Variants in PELP1 observed in about 807,000 individuals in gnomAD.
PELP1 encodes proline, glutamate and leucine rich protein 1.
In PELP1, 32 loss-of-function variants were observed where a neutral mutation model predicts 95.5. The observed-to-expected ratio is 0.34, with a 90% CI of 0.25 to 0.45. PELP1 has a LOEUF of 0.45. PELP1 is among the 20% of genes least tolerant of loss of function. PELP1 has a pLI of 1.00. For synonymous variants in PELP1, 668 were observed against 600.1 expected (o/e 1.11, Z -1.65); for missense variants, 1,358 against 1,444.8 (o/e 0.94, Z 0.97).
chr17:4,694,847 T>G (rs1597456965), intron 1 of PELP1, among the ~76,000 whole-genome samples: 1 of 148,484 alleles, frequency 6.7e-6, no homozygotes, highest in South Asian at 2.1e-4. Context: ...GGTGGGCGCC[T>G]GTAATCCCAG....
intron 1 of PELP1, 28 bp downstream of exon 1, chr17:4,703,835 G>T (rs1245582532): frequency 1.9e-6 from 3 of 1,586,766 alleles, no homozygotes; most frequent in African/African-American, 1.3e-5. Context: ...TCCCCACAGG[G>T]CCGCGGGCAC....
At position 4,675,464 on chromosome 17, in the gene PELP1, G is replaced by A; in HGVS notation, c.1069-102C>T. 1 of 788,554 alleles carries A rather than the reference G, an allele frequency of 1.3e-6. No homozygotes were observed. Among genetic ancestry groups the A allele is most frequent in the Non-Finnish European group, 2.2e-6 (1 of 462,486 alleles). The allele number at this position is 788,554 out of a possible 1,614,324, so 48.8% of individuals were successfully genotyped here. ...CATTTACATATGTACACATAGGTAA[G>A]AAACCCAACCCCTGATCTCAGCTCT... On this transcript the variant is annotated intron_variant, in intron 9 of 16. Coordinates refer to ENST00000572293, the MANE Select transcript of PELP1 (RefSeq NM_014389.3). The surrounding 1 kb of genome is among the most constrained non-coding windows in gnomAD (Gnocchi z 4.3).
chr17:4,696,173 T>C (rs1380042792), intron 1 of PELP1, among the ~76,000 whole-genome samples: 1 of 151,864 alleles, frequency 6.6e-6, no homozygotes, highest in African/African-American at 2.4e-5. Context: ...CCACAAAGAA[T>C]TTTTAAAAAT....
chr17:4,672,129 T>TTCC lies in PELP1; in HGVS notation c.2859_2861dup (p.Glu956dup). 1 of 1,552,682 alleles carries TTCC rather than the reference T, an allele frequency of 6.4e-7. No homozygotes were observed. The highest frequency in any genetic ancestry group is 2.0e-5 in the Admixed American group (1 of 51,064). ...GGTCTTCCACCTCTTCCAGTTCTTC[T>TTCC]TCCTCCTCCTCATCCTCCTCTTCTT... On this transcript the variant is annotated inframe_insertion, in exon 16 of 17. Transcript: ENST00000572293.
At position 4,675,376 on chromosome 17, in the gene PELP1, G is replaced by A. The variant is rs1912420031; in HGVS notation, c.1069-14C>T. On this transcript the variant is annotated splice_polypyrimidine_tract_variant and intron_variant, in intron 9 of 16. Coordinates refer to ENST00000572293, the MANE Select transcript of PELP1 (RefSeq NM_014389.3). This position sits in a 1 kb window ranked among gnomAD's most constrained non-coding sequence, Gnocchi z 4.3. ...TCCATGCAAGCTCTGGAGAAAAAAG[G>A]GGCAGAGATAAAGAGTGGAGGAAGA... 3 of 1,450,398 alleles carry A rather than the reference G, an allele frequency of 2.1e-6. No homozygotes were observed. In the East Asian group the frequency reaches 7.4e-5, roughly 36 times the overall value. 89.8% of individuals were successfully genotyped at this position (1,450,398 alleles called of 1,614,324 possible). A position where few individuals can be genotyped will look rare whatever the true frequency, so the allele number is the denominator to read the frequency against.
chr17:4,692,866 T>G (rs1448104277), intron 1 of PELP1, among the ~76,000 whole-genome samples: 1 of 151,674 alleles, frequency 6.6e-6, no homozygotes, highest in South Asian at 2.1e-4. Context: ...AAAAATTAGC[T>G]AGTTATGGTG....
chr17:4,681,605 T>G (rs151301111), intron 5 of PELP1, among the ~76,000 whole-genome samples: 4,433 of 151,098 alleles, frequency 0.029, 85 homozygotes, highest in African/African-American at 0.044. Flanking sequence ...ATCGAGACCA[T>G]CCTGGCCAAC....
Position 4,676,178 on chromosome 17 carries a change from C to CT in PELP1, c.854-17dup. 6.2e-7 allele frequency: 1 copy of CT among 1,612,822 alleles called. No individual in the cohort carries two copies. The highest frequency in any genetic ancestry group is 8.5e-7 in the Non-Finnish European group (1 of 1,179,264). ...TGCACAGGAGCTGGCAGAAGCACAA[C>CT]TACCCTGTACACTGTCTTTCTTCCA... is the stretch of plus-strand genomic sequence containing the variant. On this transcript the variant is annotated splice_polypyrimidine_tract_variant and intron_variant, in intron 7 of 16. Coordinates refer to ENST00000572293, the MANE Select transcript of PELP1 (RefSeq NM_014389.3).
In PELP1 at chr17:4,670,801, T is replaced by C. The variant is rs1912165904; in HGVS notation, c.*638A>G. On this transcript the variant is annotated 3_prime_UTR_variant, in exon 17 of 17. Transcript: ENST00000572293. The stretch of plus-strand genomic sequence containing the variant: ...AGCAGGAAGGCCTGGGGTGAGCTTA[T>C]CAAACTCCTGCCAGGGAGCTGTGAG... The C allele has an allele frequency of 6.6e-6, 1 of 152,546 alleles. No individual in the cohort carries two copies. The highest frequency in any genetic ancestry group is 6.5e-5 in the Admixed American group (1 of 15,286). 9.4% of individuals were successfully genotyped at this position (152,546 alleles called of 1,614,324 possible).
intron 1 of PELP1, among the ~76,000 whole-genome samples, chr17:4,699,594 G>GT (rs1174069981): frequency 6.6e-6 from 1 of 152,056 alleles, no homozygotes; most frequent in Non-Finnish European, 1.5e-5. Flanking sequence ...AGGGTGATTT[G>GT]TTTGTTTTTT....
At chr17:4,700,515 G>A (rs1391642811) in intron 1 of PELP1, among the ~76,000 whole-genome samples, 1 of 151,964 alleles carries the variant, frequency 6.6e-6, no homozygotes. Context: ...ATGGTGGCAG[G>A]TGCCTGTAAT....
At chr17:4,696,494 CAT>C (rs1279560622) in intron 1 of PELP1, 5 of 152,110 alleles carry the variant, frequency 3.3e-5, no homozygotes, top group Non-Finnish European at 7.3e-5. Flanking sequence ...TGTGCAGAGA[CAT>C]ATAGGTGATT....
At chr17:4,678,004 A>G (rs1265002665) in intron 5 of PELP1, among the ~76,000 whole-genome samples, 1 of 152,078 alleles carries the variant, frequency 6.6e-6, no homozygotes, top group Non-Finnish European at 1.5e-5. Flanking sequence ...TCACGAGGTC[A>G]GGAGTTCAAG....
At chr17:4,684,780 C>T (rs1482976624) in intron 3 of PELP1, among the ~76,000 whole-genome samples, 2 of 152,078 alleles carry the variant, frequency 1.3e-5, no homozygotes, top group East Asian at 3.9e-4. Flanking sequence ...CTGCAACCTC[C>T]GCCTCCCAGG....
chr17:4,682,467 T>C (rs779723957), intron 5 of PELP1, 35 bp downstream of exon 5: 33 of 1,397,272 alleles, frequency 2.4e-5, no homozygotes, highest in Non-Finnish European at 3.2e-5. Context: ...TCTCAACGCT[T>C]ACACTGGTGG....
chr17:4,675,550 G>A lies in PELP1; in HGVS notation c.1069-188C>T, dbSNP rs1377221189. On this transcript the variant is annotated intron_variant, in intron 9 of 16. Transcript: ENST00000572293. This position sits in a 1 kb window ranked among gnomAD's most constrained non-coding sequence, Gnocchi z 4.3. ...CCCTGGATGGAAGGTAAGAAGGATG[G>A]CTGGGCCTCTCAGCAATGACTCAGC... 1.4e-6 allele frequency: 1 copy of A among 708,620 alleles called. No individual in the cohort carries two copies. The highest frequency in any genetic ancestry group is 2.0e-5 in the Admixed American group (1 of 49,954). 43.9% of individuals were successfully genotyped at this position (708,620 alleles called of 1,614,324 possible). A position where few individuals can be genotyped will look rare whatever the true frequency, so the allele number is the denominator to read the frequency against.
In PELP1 at chr17:4,676,747, CT is replaced by C; in HGVS notation, c.702+5del. The C allele has an allele frequency of 6.4e-7, 1 of 1,566,714 alleles. No homozygotes were observed. Among genetic ancestry groups the C allele is most frequent in the Non-Finnish European group, 8.7e-7 (1 of 1,155,052 alleles). ...CGGGCTCTCCCTCTCCCTCCCTGCC[CT>C]TTACCTGTTGGAGCTGAGGGCTCAA... On this transcript the variant is annotated splice_donor_5th_base_variant and intron_variant, in intron 6 of 16. Transcript: ENST00000572293.
Position 4,671,910 on chromosome 17 carries a change from G to T in PELP1, c.3081C>A (p.Ala1027=). The T allele has an allele frequency of 6.6e-7, 1 of 1,516,188 alleles. No individual in the cohort carries two copies. The allele number at this position is 1,516,188 out of a possible 1,614,324, so 93.9% of individuals were successfully genotyped here. ...CTCCCTGGGAGGGGAGCGCTTCAGGGGCCAGGGTGGGAGCTGTGTCAGCCC... is the reference window on the plus strand; with the variant it reads ...CTCCCTGGGAGGGGAGCGCTTCAGGTGCCAGGGTGGGAGCTGTGTCAGCCC... ...ERGADTAPTL[A]PEALPSQGEV... The change falls in exon 16 of 17, where the codon GCC becomes GCA. Residue 1027 remains alanine (A), a synonymous_variant. Transcript: ENST00000572293.
chr17:4,697,905 A>T (rs1195034370), intron 1 of PELP1, among the ~76,000 whole-genome samples: 2 of 152,138 alleles, frequency 1.3e-5, no homozygotes, highest in Non-Finnish European at 2.9e-5. Flanking sequence ...AAAAAAAAAA[A>T]ATCATACCTT....
Sources: gnomAD v4.1 joint callset for allele counts (sites outside exome capture counted in the v4.1 genomes callset) on GRCh38, gnomAD v4.1.1 for gene constraint, Gnocchi (gnomAD v3.1) non-coding constraint, MANE v1.5 for transcripts, NCBI Gene and HGNC (gene_info 2026-07-23, HGNC 2026-07-21) for gene names.